Variants in SLC25A21 observed in about 807,000 individuals in gnomAD.
The protein encoded by SLC25A21 is solute carrier family 25 member 21, also known as mitochondrial 2-oxodicarboxylate carrier.
SLC25A21 carries 47 observed loss-of-function variants against 43.8 expected under a neutral mutation model. The observed-to-expected ratio is 1.07, with a 90% CI of 0.85 to 1.37. SLC25A21 has a LOEUF of 1.37. SLC25A21 is among the 40% of genes most tolerant of loss of function. SLC25A21 has a pLI of 0.00. For missense variants in SLC25A21, 352 were observed against 350.2 expected, an observed-to-expected ratio of 1.00 and a Z score of -0.04; for synonymous variants, 131 against 121.3, an observed-to-expected ratio of 1.08 and a Z score of -0.52.
chr14:37,034,110 G>A (rs1247476430), intron 1 of SLC25A21, among the ~76,000 whole-genome samples: 2 of 151,972 alleles, frequency 1.3e-5, no homozygotes, highest in East Asian at 1.9e-4. Flanking sequence ...TCTGCCTCCC[G>A]GGTTCAAGCA....
At chr14:36,752,593 T>C (rs993459892) in intron 3 of SLC25A21, among the ~76,000 whole-genome samples, 8 of 152,146 alleles carry the variant, frequency 5.3e-5, no homozygotes, top group Non-Finnish European at 1.2e-4. Flanking sequence ...TGCTATAACA[T>C]GAGTACACCA....
chr14:36,679,340 A>AAATT lies in SLC25A21; in HGVS notation c.*1314_*1317dup. The stretch of plus-strand genomic sequence containing the variant: ...TTTATTTTTATACTTCAAATGCTCT[A>AAATT]AATTAATAAAAAGTAATAATTACCA... On this transcript the variant is annotated 3_prime_UTR_variant, in exon 10 of 10. Transcript: ENST00000331299. 1.0e-6 allele frequency: 1 copy of AAATT among 969,300 alleles called. No homozygotes were observed. Among genetic ancestry groups the AAATT allele is most frequent in the Non-Finnish European group, 1.2e-6 (1 of 815,352 alleles). The allele number at this position is 969,300 out of a possible 1,614,324, so 60.0% of individuals were successfully genotyped here. A position where few individuals can be genotyped will look rare whatever the true frequency, so the allele number is the denominator to read the frequency against.
intron 4 of SLC25A21, among the ~76,000 whole-genome samples, chr14:36,731,034 G>A (rs1265547329): frequency 6.6e-6 from 1 of 150,500 alleles, no homozygotes; most frequent in Non-Finnish European, 1.5e-5. Context: ...GTGCAGTGGC[G>A]CGATCTCGGC....
chr14:36,741,245 T>C lies in SLC25A21; in HGVS notation c.204-6672A>G, dbSNP rs1594542131. 2.0e-5 allele frequency among the ~76,000 whole-genome samples: 3 copies of C among 152,328 alleles called. No individual in the cohort carries two copies. The East Asian group carries it at 5.8e-4, about 29-fold the overall frequency. Reference sequence around the variant, plus strand: ...CAGGCTGGGAAATTTCCTAAGTTACTAGGCTACTAGGTTTTTGGTGTTAGG... The same window carrying C: ...CAGGCTGGGAAATTTCCTAAGTTACCAGGCTACTAGGTTTTTGGTGTTAGG... On this transcript the variant is annotated intron_variant, in intron 3 of 9. Coordinates refer to ENST00000331299, the MANE Select transcript of SLC25A21 (RefSeq NM_030631.4).
At chr14:36,880,827 T>C (rs889592926) in intron 1 of SLC25A21, among the ~76,000 whole-genome samples, 4 of 152,138 alleles carry the variant, frequency 2.6e-5, no homozygotes, top group African/African-American at 9.7e-5. Context: ...TGTGTAAATG[T>C]TGGAAAACAA....
chr14:37,103,818 T>C (rs1380965754), intron 1 of SLC25A21, among the ~76,000 whole-genome samples: 1 of 152,236 alleles, frequency 6.6e-6, no homozygotes, highest in African/African-American at 2.4e-5. Flanking sequence ...CTTCTCAGGA[T>C]GAGCTTGGTA....
chr14:37,005,021 T>C (rs1960569110), intron 1 of SLC25A21, among the ~76,000 whole-genome samples: 1 of 151,512 alleles, frequency 6.6e-6, no homozygotes, highest in South Asian at 2.1e-4. Context: ...AGCCCAGCTG[T>C]GGGTCTCAAC....
At chr14:37,158,446 A>G (rs147772620) in intron 1 of SLC25A21, among the ~76,000 whole-genome samples, 152 of 152,212 alleles carry the variant, frequency 1.0e-3, no homozygotes, top group South Asian at 7.5e-3. Flanking sequence ...TCAATGATCA[A>G]GCTCTATCAC....
chr14:36,826,212 C>G (rs1407693042), intron 2 of SLC25A21, among the ~76,000 whole-genome samples: 1 of 152,140 alleles, frequency 6.6e-6, no homozygotes, highest in Non-Finnish European at 1.5e-5. Flanking sequence ...TTGCTTGCCT[C>G]CTTGAATAGT....
chr14:37,114,514 T>C (rs1212917862), intron 1 of SLC25A21, among the ~76,000 whole-genome samples: 1 of 152,210 alleles, frequency 6.6e-6, no homozygotes, highest in Non-Finnish European at 1.5e-5. Context: ...ACTTAAATCA[T>C]TTTCTTTAGT....
chr14:36,881,291 A>G (rs1001482187), intron 1 of SLC25A21, among the ~76,000 whole-genome samples: 1 of 152,198 alleles, frequency 6.6e-6, no homozygotes, highest in Non-Finnish European at 1.5e-5. Flanking sequence ...ATTTGAGATT[A>G]CTTGCCCTAA....
chr14:36,938,558 T>C (rs1892482441), intron 1 of SLC25A21, among the ~76,000 whole-genome samples: 1 of 152,016 alleles, frequency 6.6e-6, no homozygotes, highest in Admixed American at 6.6e-5. Flanking sequence ...TCAAATACAC[T>C]TTCTTCTGCT....
At chr14:37,002,384 A>T (rs1161125174) in intron 1 of SLC25A21, among the ~76,000 whole-genome samples, 1 of 152,184 alleles carries the variant, frequency 6.6e-6, no homozygotes, top group Non-Finnish European at 1.5e-5. Context: ...AGACTATCCA[A>T]ATACTTCTGT....
At chr14:36,776,890 G>A (rs1015174057) in intron 3 of SLC25A21, among the ~76,000 whole-genome samples, 4 of 152,296 alleles carry the variant, frequency 2.6e-5, no homozygotes, top group Non-Finnish European at 4.4e-5. Context: ...CTGCTAGAAT[G>A]TCTTTCTCTA....
intron 3 of SLC25A21, among the ~76,000 whole-genome samples, chr14:36,800,875 CT>C (rs1887846455): frequency 6.6e-6 from 1 of 152,106 alleles, no homozygotes; most frequent in Non-Finnish European, 1.5e-5. Context: ...GGCCCTGTAA[CT>C]TTTTATTGAG....
At chr14:36,915,469 T>A (rs1382284365) in intron 1 of SLC25A21, among the ~76,000 whole-genome samples, 6 of 152,116 alleles carry the variant, frequency 3.9e-5, no homozygotes, top group Non-Finnish European at 8.8e-5. Context: ...ACAAAATCTA[T>A]CATGAACATT....
At chr14:37,136,885 T>C (rs1055735228) in intron 1 of SLC25A21, among the ~76,000 whole-genome samples, 1 of 152,022 alleles carries the variant, frequency 6.6e-6, no homozygotes, top group Non-Finnish European at 1.5e-5. Flanking sequence ...AGATGAGTGA[T>C]TGTAGGGGAT....
At chr14:37,034,864 C>T (rs916380324) in intron 1 of SLC25A21, among the ~76,000 whole-genome samples, 3 of 152,180 alleles carry the variant, frequency 2.0e-5, no homozygotes, top group South Asian at 2.1e-4. Context: ...GAAGAGCATT[C>T]GGCTCCACAG....
At chr14:36,904,982 C>A (rs943663304) in intron 1 of SLC25A21, among the ~76,000 whole-genome samples, 7 of 152,246 alleles carry the variant, frequency 4.6e-5, no homozygotes, top group African/African-American at 1.4e-4. Context: ...CCAGGTAAAC[C>A]TATTTAGATA....
Sources: allele counts gnomAD v4.1 joint callset (sites outside exome capture counted in the v4.1 genomes callset), GRCh38; gene constraint gnomAD v4.1.1; transcripts MANE v1.5; gene names NCBI Gene and HGNC (gene_info 2026-07-23, HGNC 2026-07-21).